SNX24: variants seen among roughly 807,000 people sequenced by gnomAD.
The protein encoded by SNX24 is sorting nexin 24, also known as sorting nexin-24.
Under a neutral mutation model 28.7 loss-of-function variants are expected in SNX24, and 22 were observed. The ratio of observed to expected loss-of-function variants is 0.77; its 90% CI spans 0.55 to 1.10. The LOEUF (loss-of-function observed/expected upper bound fraction) is 1.10, where lower values mean the gene tolerates loss of function less well. SNX24 is among the 50% of genes least tolerant of loss of function. The probability of loss-of-function intolerance (pLI) is 0.00; values close to 1 mark genes in which losing one functional copy is unlikely to be tolerated. For missense variants in SNX24, 221 were observed against 201.1 expected, an observed-to-expected ratio of 1.10 and a Z score of -0.60; for synonymous variants, 69 against 71.5, an observed-to-expected ratio of 0.96 and a Z score of 0.18.
At chr5:122,933,578 G>A (rs1285152825) in intron 1 of SNX24, among the ~76,000 whole-genome samples, 2 of 152,110 alleles carry the variant, frequency 1.3e-5, no homozygotes, top group Non-Finnish European at 2.9e-5. Flanking sequence ...TTCATTTCCC[G>A]ATGTCCAATG....
chr5:122,970,339 G>C (rs547448197), intron 3 of SNX24, among the ~76,000 whole-genome samples: 1 of 151,708 alleles, frequency 6.6e-6, no homozygotes, highest in Non-Finnish European at 1.5e-5. Flanking sequence ...TTTAGAATGC[G>C]GCATACTCTT....
At chr5:122,967,700 G>T (rs913005081) in intron 3 of SNX24, among the ~76,000 whole-genome samples, 1 of 152,216 alleles carries the variant, frequency 6.6e-6, no homozygotes, top group African/African-American at 2.4e-5. Context: ...GGCCTGACTT[G>T]TTCATTAGAG....
chr5:123,001,611 G>C (rs1381605978), intron 5 of SNX24, among the ~76,000 whole-genome samples, 174 bp downstream of exon 5: 1 of 152,164 alleles, frequency 6.6e-6, no homozygotes, highest in Non-Finnish European at 1.5e-5. Context: ...ATTAAGAGTG[G>C]AGGAATAAGA....
intron 3 of SNX24, among the ~76,000 whole-genome samples, chr5:122,954,552 A>T (rs1760121624): frequency 6.8e-6 from 1 of 146,792 alleles, no homozygotes; most frequent in South Asian, 2.2e-4. Context: ...ATTTGTTTAT[A>T]TTTGTTTTTT....
At chr5:122,859,631 A>C (rs542247456) in intron 1 of SNX24, among the ~76,000 whole-genome samples, 2 of 152,290 alleles carry the variant, frequency 1.3e-5, no homozygotes, top group South Asian at 2.1e-4. Flanking sequence ...TTGTCGATGA[A>C]AAGAGTTGAA....
intron 1 of SNX24, among the ~76,000 whole-genome samples, chr5:122,924,907 A>G (rs1252264254): frequency 6.6e-6 from 1 of 151,908 alleles, no homozygotes; most frequent in African/African-American, 2.4e-5. Context: ...GAATAGCACT[A>G]ATTATTAAGA....
chr5:122,967,845 G>C (rs746796181), intron 3 of SNX24, among the ~76,000 whole-genome samples: 2 of 152,286 alleles, frequency 1.3e-5, no homozygotes, highest in African/African-American at 4.8e-5. Flanking sequence ...TAAACCACGA[G>C]CTCACGTGAA....
At chr5:122,863,528 C>T (rs201409197) in intron 1 of SNX24, among the ~76,000 whole-genome samples, 1 of 143,552 alleles carries the variant, frequency 7.0e-6, no homozygotes, top group African/African-American at 2.6e-5. Flanking sequence ...TTTCTTTTTT[C>T]TTTTTTTTTT....
At chr5:122,892,520 A>G (rs1253216040) in intron 1 of SNX24, among the ~76,000 whole-genome samples, 2 of 151,780 alleles carry the variant, frequency 1.3e-5, no homozygotes. Context: ...GCTTACTGCA[A>G]CTTCTGCCTC....
intron 1 of SNX24, among the ~76,000 whole-genome samples, chr5:122,917,021 C>T (rs971408692): frequency 3.3e-5 from 5 of 152,276 alleles, no homozygotes; most frequent in African/African-American, 9.6e-5. Context: ...GTAATCCCAA[C>T]ACTTTGAGAG....
chr5:122,997,608 T>C (rs1171618365), intron 3 of SNX24, among the ~76,000 whole-genome samples: 1 of 152,206 alleles, frequency 6.6e-6, no homozygotes, highest in African/African-American at 2.4e-5. Context: ...ATTCCCTAAA[T>C]CTTGCATTAA....
chr5:123,004,123 C>T (rs751137071), intron 6 of SNX24, among the ~76,000 whole-genome samples: 43 of 152,106 alleles, frequency 2.8e-4, no homozygotes, highest in Non-Finnish European at 2.6e-4. Context: ...GTACTGACCC[C>T]GCCCCCTACA....
chr5:122,929,997 C>T (rs760265502), intron 1 of SNX24, among the ~76,000 whole-genome samples: 1 of 152,026 alleles, frequency 6.6e-6, no homozygotes, highest in Non-Finnish European at 1.5e-5. Flanking sequence ...TTTGACTAGA[C>T]ATGGAATTCT....
At chr5:122,864,420 G>A (rs1267290167) in intron 1 of SNX24, among the ~76,000 whole-genome samples, 2 of 152,212 alleles carry the variant, frequency 1.3e-5, no homozygotes, top group African/African-American at 2.4e-5. Context: ...TGCCTAGGCT[G>A]AGCCGATTTA....
At chr5:122,919,687 A>G (rs1363081775) in intron 1 of SNX24, among the ~76,000 whole-genome samples, 3 of 152,210 alleles carry the variant, frequency 2.0e-5, no homozygotes, top group Admixed American at 2.0e-4. Flanking sequence ...TATTAATTGA[A>G]ATAAGCAACA....
chr5:122,881,151 C>T lies in SNX24; in HGVS notation c.60+35458C>T, dbSNP rs1756462786. Among the ~76,000 whole-genome samples, 5 of 152,066 alleles carry T rather than the reference C, an allele frequency of 3.3e-5. No homozygotes were observed. The South Asian group carries it at 1.0e-3, about 32-fold the overall frequency. The stretch of plus-strand genomic sequence containing the variant: ...TGGCCAAAGACAGCAGGAGTGTGTG[C>T]AGAAAAATTGGAGAATCATTTAATT... On this transcript the variant is annotated intron_variant, in intron 1 of 6. Transcript: ENST00000261369.
At chr5:122,874,591 GT>G (rs1756140931) in intron 1 of SNX24, among the ~76,000 whole-genome samples, 2 of 152,204 alleles carry the variant, frequency 1.3e-5, no homozygotes, top group South Asian at 4.1e-4. Context: ...TATTTTACTT[GT>G]TCTGGTACTG....
intron 1 of SNX24, among the ~76,000 whole-genome samples, chr5:122,893,835 G>T (rs552512187): frequency 1.8e-4 from 28 of 152,276 alleles, no homozygotes; most frequent in African/African-American, 6.3e-4. Flanking sequence ...TTGAGTTCAG[G>T]AGTTCGAGAC....
intron 3 of SNX24, among the ~76,000 whole-genome samples, chr5:122,986,514 G>A (rs537072271): frequency 6.6e-6 from 1 of 152,228 alleles, no homozygotes; most frequent in East Asian, 1.9e-4. Flanking sequence ...GGTTTTCAGG[G>A]TGAGTGGTGA....
Sources: allele counts gnomAD v4.1 joint callset (sites outside exome capture counted in the v4.1 genomes callset), GRCh38; gene constraint gnomAD v4.1.1; transcripts MANE v1.5; gene names NCBI Gene and HGNC (gene_info 2026-07-23, HGNC 2026-07-21).